Variants in IGSF10 observed in about 807,000 individuals in gnomAD.
IGSF10 encodes the protein immunoglobulin superfamily member 10.
IGSF10 carries 126 observed loss-of-function variants against 128.2 expected under a neutral mutation model. The ratio of observed to expected loss-of-function variants is 0.98; its 90% CI spans 0.85 to 1.14. The LOEUF (loss-of-function observed/expected upper bound fraction) is 1.14. Among genes scored for constraint, IGSF10 ranks in the 50% most tolerant of loss-of-function variants. IGSF10 has a pLI of 0.00. For synonymous variants in IGSF10, 1,185 were observed against 1,146.2 expected (o/e 1.03, Z -0.68); for missense variants, 3,295 against 3,149.8 (o/e 1.05, Z -1.10).
chr3:151,561,638 A>T, the IGSF10 span, among the ~76,000 whole-genome samples: 1 of 152,296 alleles, frequency 6.6e-6, no homozygotes, highest in African/African-American at 2.4e-5. Context: ...ATATGTACTG[A>T]CATGGAACGT....
the IGSF10 span, among the ~76,000 whole-genome samples, chr3:151,512,345 C>G: frequency 6.6e-6 from 1 of 152,132 alleles, no homozygotes; most frequent in Admixed American, 6.5e-5. Context: ...AACTGAACCA[C>G]CTGCTCCTGA....
At chr3:151,499,563 G>C in the IGSF10 span, 1 of 152,078 alleles carries the variant, frequency 6.6e-6, no homozygotes. Context: ...AACTCTCTAT[G>C]AACAAGAGAA....
chr3:151,603,839 C>G, the IGSF10 span, among the ~76,000 whole-genome samples: 1 of 152,210 alleles, frequency 6.6e-6, no homozygotes, highest in Non-Finnish European at 1.5e-5. Flanking sequence ...AGGAAAGAAG[C>G]TGATGTCCCA....
chr3:151,438,021 A>C lies in IGSF10; in HGVS notation c.6540T>G (p.Asn2180Lys), dbSNP rs1364516207. 6.2e-7 allele frequency: 1 copy of C among 1,614,222 alleles called. No homozygotes were observed. Among genetic ancestry groups the C allele is most frequent in the South Asian group, 1.1e-5 (1 of 91,084 alleles). ...TATCAATGGAGAAGGAAATCATGTC[A>C]TTGGAAGGCAGCAACCAAAATATTT... ...KPKIFWLLPS[N>K]DMISFSIDRY... is the part of the protein sequence containing the mutation. Residue 2180 changes from asparagine (N) to lysine (K), a missense_variant, in exon 8 of 8, where the codon AAT becomes AAG. Transcript: ENST00000282466.
chr3:151,579,539 C>T, the IGSF10 span, among the ~76,000 whole-genome samples: 4 of 148,436 alleles, frequency 2.7e-5, no homozygotes, highest in African/African-American at 1.0e-4. Context: ...TGGCCAGAAA[C>T]AAAAAATATG....
the IGSF10 span, among the ~76,000 whole-genome samples, chr3:151,612,443 C>G: frequency 3.6e-4 from 55 of 152,124 alleles, no homozygotes; most frequent in Non-Finnish European, 1.0e-4. Context: ...TGATTAGCCT[C>G]CAAGTTTTCT....
At chr3:151,494,195 T>G in the IGSF10 span, among the ~76,000 whole-genome samples, 2 of 152,078 alleles carry the variant, frequency 1.3e-5, no homozygotes, top group Non-Finnish European at 2.9e-5. Flanking sequence ...ATTCCAAATT[T>G]TCAGAAGTAT....
At chr3:151,466,387 G>A in the IGSF10 span, among the ~76,000 whole-genome samples, 16 of 152,262 alleles carry the variant, frequency 1.1e-4, no homozygotes, top group Middle Eastern at 3.4e-3. Context: ...AGACTGCACC[G>A]AGTCTAAGAT....
chr3:151,446,851 T>C lies in IGSF10; in HGVS notation c.3130A>G (p.Arg1044Gly). ...GTAGTGCTTTTTTCAGAAGAACCTCTGGTTGTTGACCTGAAAATGCTGTAT... is the reference window on the plus strand; with the variant it reads ...GTAGTGCTTTTTTCAGAAGAACCTCCGGTTGTTGACCTGAAAATGCTGTAT... ...HRYSIFRSTT[R>G]GSSEKSTTAF... The change falls in exon 6 of 8, where the codon AGA becomes GGA. Residue 1044 changes from arginine to glycine, a missense_variant. Transcript: ENST00000282466. 3 of 1,614,204 alleles carry C rather than the reference T, an allele frequency of 1.9e-6. No homozygotes were observed. Among genetic ancestry groups the C allele is most frequent in the Non-Finnish European group, 2.5e-6 (3 of 1,180,028 alleles).
the IGSF10 span, among the ~76,000 whole-genome samples, chr3:151,471,746 T>C: frequency 1.3e-5 from 2 of 152,352 alleles, no homozygotes; most frequent in Non-Finnish European, 2.9e-5. Context: ...GTTGTTAAGA[T>C]TGAAGCTCAT....
At chr3:151,580,673 G>A in the IGSF10 span, among the ~76,000 whole-genome samples, 1 of 151,828 alleles carries the variant, frequency 6.6e-6, no homozygotes, top group Non-Finnish European at 1.5e-5. Flanking sequence ...CAGTTTTAAC[G>A]TTAAAAAAAA....
At chr3:151,584,772 T>C in the IGSF10 span, among the ~76,000 whole-genome samples, 15 of 152,120 alleles carry the variant, frequency 9.9e-5, no homozygotes, top group South Asian at 2.1e-4. Flanking sequence ...CAGTTATTCA[T>C]TGTTGGGGTT....
the IGSF10 span, among the ~76,000 whole-genome samples, chr3:151,515,459 G>C: frequency 7.9e-6 from 1 of 126,136 alleles, no homozygotes. Flanking sequence ...TCACACACTG[G>C]GGACTGTTGT....
chr3:151,553,794 A>T, the IGSF10 span, among the ~76,000 whole-genome samples: 1 of 151,916 alleles, frequency 6.6e-6, no homozygotes, highest in African/African-American at 2.4e-5. Context: ...GTTGAAAAAC[A>T]CTGGGCAGAA....
the IGSF10 span, among the ~76,000 whole-genome samples, chr3:151,601,906 T>G: frequency 2.6e-5 from 4 of 152,346 alleles, no homozygotes; most frequent in Admixed American, 1.3e-4. Context: ...AATCTTGTCT[T>G]TCCTGTATAG....
At chr3:151,465,778 G>A (rs879329650), upstream of IGSF10, among the ~76,000 whole-genome samples, 1 of 152,064 alleles carries the variant, frequency 6.6e-6, no homozygotes, top group Non-Finnish European at 1.5e-5. Flanking sequence ...GCCTGAGAGG[G>A]ACGTTGTACT....
chr3:151,607,826 G>T, the IGSF10 span, among the ~76,000 whole-genome samples: 1 of 150,862 alleles, frequency 6.6e-6, no homozygotes, highest in Admixed American at 6.6e-5. Flanking sequence ...CAGGAGAATG[G>T]AGTGAACCTG....
At chr3:151,444,029 T>TG in intron 6 of IGSF10, 145 bp from the exon 7 acceptor site, 2 of 647,376 alleles carry the variant, frequency 3.1e-6, no homozygotes, top group Non-Finnish European at 5.1e-6. Context: ...ATCCCAACAC[T>TG]TTGGGAGGCT....
the IGSF10 span, among the ~76,000 whole-genome samples, chr3:151,577,120 T>C: frequency 2.0e-5 from 3 of 152,238 alleles, no homozygotes; most frequent in African/African-American, 7.2e-5. Flanking sequence ...TATATTTATG[T>C]ATATACAAGC....
Sources: allele counts gnomAD v4.1 joint callset (sites outside exome capture counted in the v4.1 genomes callset), GRCh38; gene constraint gnomAD v4.1.1; transcripts MANE v1.5; gene names NCBI Gene and HGNC (gene_info 2026-07-23, HGNC 2026-07-21).